Variants in CFAP299 observed in about 807,000 individuals in gnomAD.
CFAP299 encodes cilia and flagella associated protein 299.
A neutral mutation model predicts 27.0 loss-of-function variants in CFAP299; 21 were observed. The observed-to-expected ratio is 0.78, with a 90% CI of 0.55 to 1.12. CFAP299 has a LOEUF of 1.12. Ranked by LOEUF, CFAP299 falls within the 50% of genes most tolerant of loss-of-function variation. The pLI, the probability that CFAP299 is intolerant of heterozygous loss-of-function variation, is 0.00. For synonymous variants in CFAP299, 104 were observed against 98.1 expected (o/e 1.06, Z -0.36); for missense variants, 310 against 276.6 (o/e 1.12, Z -0.86).
At chr4:80,952,104 CAT>C (rs1205168993) in intron 5 of CFAP299, among the ~76,000 whole-genome samples, 1 of 152,150 alleles carries the variant, frequency 6.6e-6, no homozygotes, top group Non-Finnish European at 1.5e-5. Context: ...AAACAATACA[CAT>C]GACAGAAACT....
At chr4:80,759,303 A>G (rs984703041) in intron 3 of CFAP299, among the ~76,000 whole-genome samples, 1 of 152,196 alleles carries the variant, frequency 6.6e-6, no homozygotes, top group Non-Finnish European at 1.5e-5. Context: ...CAGAATGTGT[A>G]CAATAACTAC....
intron 3 of CFAP299, among the ~76,000 whole-genome samples, chr4:80,775,421 T>C (rs1189714929): frequency 6.6e-6 from 1 of 152,086 alleles, no homozygotes; most frequent in Non-Finnish European, 1.5e-5. Context: ...ATTTATTTAT[T>C]TATACATTGC....
intron 1 of CFAP299, among the ~76,000 whole-genome samples, chr4:80,354,888 A>G (rs772951778): frequency 2.0e-5 from 3 of 152,188 alleles, no homozygotes; most frequent in Non-Finnish European, 2.9e-5. Context: ...TCTATGGTAT[A>G]TATGTACCAC....
At chr4:80,948,373 G>A (rs1419355088) in intron 5 of CFAP299, among the ~76,000 whole-genome samples, 1 of 152,124 alleles carries the variant, frequency 6.6e-6, no homozygotes, top group Admixed American at 6.6e-5. Flanking sequence ...CCCTGCAGCT[G>A]TATAACATCT....
intron 2 of CFAP299, among the ~76,000 whole-genome samples, chr4:80,484,028 T>G (rs1339843274): frequency 6.6e-6 from 1 of 152,156 alleles, no homozygotes; most frequent in Non-Finnish European, 1.5e-5. Context: ...ACCGAAGAAG[T>G]ATTAATATAG....
chr4:80,849,175 T>G (rs534118027), intron 3 of CFAP299, among the ~76,000 whole-genome samples: 2 of 152,226 alleles, frequency 1.3e-5, no homozygotes, highest in South Asian at 4.1e-4. Flanking sequence ...TTTTTTAAAA[T>G]TTTTTATTAT....
intron 3 of CFAP299, among the ~76,000 whole-genome samples, chr4:80,832,073 A>G (rs1302863819): frequency 6.6e-6 from 1 of 152,146 alleles, no homozygotes; most frequent in Non-Finnish European, 1.5e-5. Context: ...CAGAACAATG[A>G]GCACAATATG....
chr4:80,525,364 A>T, intron 2 of CFAP299, among the ~76,000 whole-genome samples: 1 of 152,076 alleles, frequency 6.6e-6, no homozygotes, highest in East Asian at 1.9e-4. Context: ...ATATTTATCC[A>T]TATCCATCAG....
intron 2 of CFAP299, among the ~76,000 whole-genome samples, chr4:80,435,516 C>T (rs1326566920): frequency 6.6e-6 from 1 of 152,122 alleles, no homozygotes; most frequent in Non-Finnish European, 1.5e-5. Flanking sequence ...TTGTTCAACC[C>T]CTAAGGAAAT....
chr4:80,649,381 C>A (rs984559818), intron 3 of CFAP299, among the ~76,000 whole-genome samples: 7 of 152,128 alleles, frequency 4.6e-5, no homozygotes, highest in Non-Finnish European at 8.8e-5. Flanking sequence ...GATGACACTT[C>A]ATTTCCATTT....
intron 3 of CFAP299, among the ~76,000 whole-genome samples, chr4:80,639,462 C>T (rs1393373576): frequency 2.0e-5 from 3 of 152,030 alleles, no homozygotes; most frequent in African/African-American, 7.2e-5. Context: ...GAATCCCATG[C>T]AAAATGAAAA....
chr4:80,512,608 C>A (rs1408558206), intron 2 of CFAP299, among the ~76,000 whole-genome samples: 2 of 152,058 alleles, frequency 1.3e-5, no homozygotes, highest in Non-Finnish European at 2.9e-5. Flanking sequence ...TACATATGAA[C>A]CTCAGGAACT....
intron 2 of CFAP299, among the ~76,000 whole-genome samples, chr4:80,396,661 GT>G (rs1252138171): frequency 6.6e-6 from 1 of 152,096 alleles, no homozygotes; most frequent in African/African-American, 2.4e-5. Flanking sequence ...CTTTGGTTCT[GT>G]TTATATGCTG....
chr4:80,566,724 T>A lies in CFAP299; in HGVS notation c.243-16369T>A. ...ATTTTTTTCATTGGCTTTCCTTGTG[T>A]AAATATAACCAGCAGGTCAGGAAGT... is the stretch of plus-strand genomic sequence containing the variant. On this transcript the variant is annotated intron_variant, in intron 2 of 5. Transcript: ENST00000358105. Among the ~76,000 whole-genome samples the A allele has an allele frequency of 1.3e-5, 2 of 152,102 alleles. 1 individual carries two copies. The highest frequency in any genetic ancestry group is 2.9e-5 in the Non-Finnish European group (2 of 67,988).
At chr4:80,389,400 C>G (rs925880587) in intron 2 of CFAP299, among the ~76,000 whole-genome samples, 1 of 152,112 alleles carries the variant, frequency 6.6e-6, no homozygotes, top group African/African-American at 2.4e-5. Flanking sequence ...AAAACACACT[C>G]CATTATCATA....
chr4:80,941,423 A>C (rs1287865975), intron 4 of CFAP299, among the ~76,000 whole-genome samples: 1 of 152,172 alleles, frequency 6.6e-6, no homozygotes, highest in Non-Finnish European at 1.5e-5. Flanking sequence ...CCGTAATTAC[A>C]GGACCTAACT....
intron 3 of CFAP299, among the ~76,000 whole-genome samples, chr4:80,635,272 T>C (rs1739419938): frequency 6.6e-6 from 1 of 152,140 alleles, no homozygotes; most frequent in African/African-American, 2.4e-5. Flanking sequence ...ATAGCAGAAA[T>C]TGCAATTGTC....
rs1446694125 is a variant in CFAP299 at position 80,707,874 on chromosome 4, G to A, written c.333+124691G>A. ...AGTTCAAGAAAATAGGCTTGCATATGTACTCATTTGTCCAATCAGCTCTAG... is the reference window on the plus strand; with the variant it reads ...AGTTCAAGAAAATAGGCTTGCATATATACTCATTTGTCCAATCAGCTCTAG... On this transcript the variant is annotated intron_variant, in intron 3 of 5. Transcript: ENST00000358105. 2.0e-5 allele frequency among the ~76,000 whole-genome samples: 3 copies of A among 152,156 alleles called. No individual in the cohort carries two copies. The East Asian group carries it at 5.8e-4, about 29-fold the overall frequency.
At chr4:80,665,750 T>C (rs1044606959) in intron 3 of CFAP299, among the ~76,000 whole-genome samples, 1 of 152,202 alleles carries the variant, frequency 6.6e-6, no homozygotes, top group Non-Finnish European at 1.5e-5. Context: ...AAGCAGGGCC[T>C]AGGGTGAAGT....
Sources: gnomAD v4.1 joint callset for allele counts (sites outside exome capture counted in the v4.1 genomes callset) on GRCh38, gnomAD v4.1.1 for gene constraint, MANE v1.5 for transcripts, NCBI Gene and HGNC (gene_info 2026-07-23, HGNC 2026-07-21) for gene names.